Variants in ACTMAP observed in about 807,000 individuals in gnomAD.
ACTMAP encodes UPF0692 protein C19orf54.
At chr19:40,747,685 A>G in the ACTMAP span, among the ~76,000 whole-genome samples, 6 of 152,022 alleles carry the variant, frequency 3.9e-5, no homozygotes, top group East Asian at 1.9e-4. Context: ...GCAAGACTCT[A>G]TATCTACAAA....
chr19:40,744,949 TGTCCC>T, the ACTMAP span: 1 of 820,092 alleles, frequency 1.2e-6, no homozygotes, highest in Non-Finnish European at 1.9e-6. Context: ...ATTCCTCGCA[TGTCCC>T]AACTATGTTT....
chr19:40,742,932 C>T, the ACTMAP span, among the ~76,000 whole-genome samples: 2 of 152,184 alleles, frequency 1.3e-5, no homozygotes, highest in Non-Finnish European at 2.9e-5. Flanking sequence ...TTTGGACCCA[C>T]CGTGGCACCC....
the ACTMAP span, chr19:40,742,223 G>C: frequency 1.4e-6 from 1 of 705,614 alleles, no homozygotes; most frequent in Admixed American, 2.0e-5. Context: ...CATTCAGATG[G>C]AATAGGCAGG....
the ACTMAP span, chr19:40,740,918 G>A: frequency 7.5e-6 from 3 of 398,542 alleles, no homozygotes; most frequent in East Asian, 1.1e-4. Flanking sequence ...GGCTGGGTGG[G>A]GTAACAGGAT....
chr19:40,742,408 C>G, the ACTMAP span: 1 of 1,450,134 alleles, frequency 6.9e-7, no homozygotes, highest in East Asian at 2.5e-5. Flanking sequence ...CCGAGCTAGG[C>G]TGCAGCCTGA....
chr19:40,742,354 G>A, the ACTMAP span: 130 of 1,351,896 alleles, frequency 9.6e-5, no homozygotes, highest in Non-Finnish European at 1.2e-4. Flanking sequence ...CAATCTTGTC[G>A]CCATCACACA....
the ACTMAP span, among the ~76,000 whole-genome samples, chr19:40,748,913 T>C: frequency 6.6e-6 from 1 of 151,730 alleles, no homozygotes; most frequent in East Asian, 1.9e-4. Context: ...ATGACAGCCC[T>C]GACCACTCTG....
the ACTMAP span, among the ~76,000 whole-genome samples, chr19:40,747,399 G>A: frequency 6.6e-6 from 1 of 151,934 alleles, no homozygotes; most frequent in Non-Finnish European, 1.5e-5. Context: ...TTAGCCAGGC[G>A]TGGTGGTGGG....
the ACTMAP span, chr19:40,741,554 G>T: frequency 1.1e-4 from 39 of 370,528 alleles, no homozygotes; most frequent in South Asian, 6.9e-4. Context: ...GAGGGGTCAG[G>T]TATTCATGAA....
At chr19:40,744,256 C>T in the ACTMAP span, 6 of 1,483,354 alleles carry the variant, frequency 4.0e-6, no homozygotes, top group South Asian at 6.7e-5. Context: ...GTGCTGAGGG[C>T]TCACAGTGGG....
At chr19:40,749,410 C>G in the ACTMAP span, 1 of 1,420,748 alleles carries the variant, frequency 7.0e-7, no homozygotes, top group South Asian at 1.3e-5. Context: ...GGGAACCCCC[C>G]CCCCACCCCA....
At chr19:40,749,698 G>A in the ACTMAP span, 87,283 of 1,525,472 alleles carry the variant, frequency 0.057, 3,446 homozygotes, top group East Asian at 0.24. Context: ...GAAAAGTCCA[G>A]GGGACTTGGG....
At chr19:40,741,782 G>GC in the ACTMAP span, 1 of 456,494 alleles carries the variant, frequency 2.2e-6, no homozygotes, top group East Asian at 6.9e-5. Context: ...GGTCCATCTA[G>GC]CACCCCCCTT....
chr19:40,745,328 G>A, the ACTMAP span: 1 of 868,724 alleles, frequency 1.2e-6, no homozygotes, highest in Non-Finnish European at 1.8e-6. Flanking sequence ...AAGGCTGAAG[G>A]CGGCTCCTGG....
chr19:40,742,356 C>T, the ACTMAP span: 1 of 1,367,356 alleles, frequency 7.3e-7, no homozygotes, highest in Non-Finnish European at 9.7e-7. Flanking sequence ...ATCTTGTCGC[C>T]ATCACACAGT....
chr19:40,747,349 C>T, the ACTMAP span, among the ~76,000 whole-genome samples: 1 of 151,536 alleles, frequency 6.6e-6, no homozygotes, highest in Admixed American at 6.6e-5. Context: ...CCAGCCTGGC[C>T]AACAAGACGA....
the ACTMAP span, chr19:40,745,256 G>A: frequency 6.6e-7 from 1 of 1,526,326 alleles, no homozygotes; most frequent in Non-Finnish European, 8.9e-7. Flanking sequence ...CCCCTACCCT[G>A]AGGTCTGGCT....
chr19:40,742,652 C>T, the ACTMAP span: 6 of 1,613,324 alleles, frequency 3.7e-6, no homozygotes, highest in African/African-American at 1.3e-5. Context: ...CCGGGGAGCC[C>T]TCCTCTGGCA....
At chr19:40,742,694 T>C in the ACTMAP span, 1 of 1,613,086 alleles carries the variant, frequency 6.2e-7, no homozygotes, top group East Asian at 2.2e-5. Context: ...TGCCCAGCAC[T>C]GGGTGGAACA....
Sources: allele counts gnomAD v4.1 joint callset (sites outside exome capture counted in the v4.1 genomes callset), GRCh38; gene constraint gnomAD v4.1.1; transcripts MANE v1.5; gene names NCBI Gene and HGNC (gene_info 2026-07-23, HGNC 2026-07-21).